The following ALMS1 variants were observed in gnomAD, a reference collection of about 807,000 sequenced individuals.
ALMS1 encodes the protein ALMS1 centrosome and basal body associated protein.
Under a neutral mutation model 352.2 loss-of-function variants are expected in ALMS1, and 271 were observed. The ratio of observed to expected loss-of-function variants is 0.77; its 90% CI spans 0.70 to 0.85. The LOEUF (loss-of-function observed/expected upper bound fraction) is 0.85. Among genes scored for constraint, ALMS1 ranks in the 40% least tolerant of loss-of-function variants. ALMS1 has a pLI of 0.00. For missense variants in ALMS1, 5,445 were observed against 4,870.7 expected, an observed-to-expected ratio of 1.12 and a Z score of -3.51; for synonymous variants, 1,865 against 1,761.2, an observed-to-expected ratio of 1.06 and a Z score of -1.48.
intron 14 of ALMS1, among the ~76,000 whole-genome samples, chr2:73,558,453 G>GC (rs1391171410): frequency 6.6e-6 from 1 of 152,140 alleles, no homozygotes; most frequent in African/African-American, 2.4e-5. Flanking sequence ...GTGTTTCATT[G>GC]CCTGTAAGGA....
chr2:73,453,561 G>A lies in ALMS1; in HGVS notation c.7034G>A (p.Arg2345Gln), dbSNP rs759366425. The change falls in exon 8 of 23, where the codon CGG becomes CAG. Residue 2345 changes from arginine (R) to glutamine (Q), a missense_variant. Coordinates refer to ENST00000613296, the MANE Select transcript of ALMS1 (RefSeq NM_001378454.1). ...DIGTQTNLKCRRGIENWEFIS... is the reference protein window; with the variant it reads ...DIGTQTNLKCQRGIENWEFIS... ...GGCACACAGACGAATTTGAAATGCC[G>A]GAGAGGCATTGAAAATTGGGAGTTT... 16 of 1,613,670 alleles carry A rather than the reference G, an allele frequency of 9.9e-6. No individual in the cohort carries two copies. Among genetic ancestry groups the A allele is most frequent in the South Asian group, 8.8e-5 (8 of 91,068 alleles).
chr2:73,437,348 CCTCTCCTGGAGTGGACCCTCA>C (rs1465679448), intron 7 of ALMS1, among the ~76,000 whole-genome samples: 2 of 152,132 alleles, frequency 1.3e-5, no homozygotes, highest in East Asian at 3.9e-4. Context: ...TCTTGGATTG[CCTCTCCTGGAGTGGACCCTCA>C]CTCCACCTAC....
intron 10 of ALMS1, among the ~76,000 whole-genome samples, chr2:73,499,755 G>C (rs1279904974): frequency 6.6e-6 from 1 of 152,130 alleles, no homozygotes; most frequent in Non-Finnish European, 1.5e-5. Flanking sequence ...AGATGTTTGG[G>C]TTATGGGGGC....
At chr2:73,552,844 G>T (rs1361892151) in intron 13 of ALMS1, among the ~76,000 whole-genome samples, 1 of 152,238 alleles carries the variant, frequency 6.6e-6, no homozygotes, top group African/African-American at 2.4e-5. Context: ...AATTCTCAGT[G>T]GAAGGGGTGG....
intron 13 of ALMS1, among the ~76,000 whole-genome samples, chr2:73,555,241 T>G (rs1674519508): frequency 6.6e-6 from 1 of 152,164 alleles, no homozygotes; most frequent in African/African-American, 2.4e-5. Context: ...GTAGCTTATT[T>G]AAGACATCAT....
At position 73,452,460 on chromosome 2, in the gene ALMS1, C is replaced by G. The variant is rs1558650648; in HGVS notation, c.5933C>G (p.Thr1978Ser). Residue 1978 changes from threonine (T) to serine (S), a missense_variant, in exon 8 of 23, where the codon ACT (threonine) becomes AGT (serine). Transcript: ENST00000613296. ...GTTTCTATACCAGCAGAGCAGAAGA[C>G]TGGGATACCAATAGGACTGTCTAGT... Reference protein sequence around the residue: ...SPVSIPAEQKTGIPIGLSSSY... With the variant: ...SPVSIPAEQKSGIPIGLSSSY... 1 of 1,614,036 alleles carries G rather than the reference C, an allele frequency of 6.2e-7. No individual in the cohort carries two copies. Among genetic ancestry groups the G allele is most frequent in the Non-Finnish European group, 8.5e-7 (1 of 1,179,978 alleles).
chr2:73,484,648 T>G (rs7563785), intron 9 of ALMS1, among the ~76,000 whole-genome samples: 5 of 149,904 alleles, frequency 3.3e-5, no homozygotes, highest in East Asian at 3.8e-4. Flanking sequence ...GAAGTTCTCC[T>G]GGATAATATC....
chr2:73,603,587 CG>C, intron 21 of ALMS1: 1 of 385,342 alleles, frequency 2.6e-6, no homozygotes, highest in Non-Finnish European at 4.9e-6. Context: ...AGGCCAGGTA[CG>C]GTGGCTCATG....
rs1456158904 is a variant in ALMS1 at position 73,490,881 on chromosome 2, A to G, written c.8922A>G (p.Pro2974=). The G allele has an allele frequency of 6.2e-7, 1 of 1,614,190 alleles. No individual in the cohort carries two copies. The highest frequency in any genetic ancestry group is 8.5e-7 in the Non-Finnish European group (1 of 1,180,042). The part of the protein sequence containing the change: ...ISLEQCQSKA[P]GVDDQMNKHH... ...TTGAACAATGCCAAAGCAAAGCGCCAGGTGTAGATGACCAAATGAATAAAC... is the reference window on the plus strand; with the variant it reads ...TTGAACAATGCCAAAGCAAAGCGCCGGGTGTAGATGACCAAATGAATAAAC... Residue 2974 remains proline (P), a synonymous_variant, in exon 10 of 23, where the codon CCA becomes CCG. Coordinates refer to ENST00000613296, the MANE Select transcript of ALMS1 (RefSeq NM_001378454.1).
At chr2:73,388,740 T>G (rs1670587637) in intron 1 of ALMS1, among the ~76,000 whole-genome samples, 1 of 152,200 alleles carries the variant, frequency 6.6e-6, no homozygotes, top group Non-Finnish European at 1.5e-5. Flanking sequence ...GACACTTAGG[T>G]TGATTTCATG....
At chr2:73,461,720 G>T (rs559266056) in intron 9 of ALMS1, among the ~76,000 whole-genome samples, 52 of 152,220 alleles carry the variant, frequency 3.4e-4, no homozygotes, top group Admixed American at 5.9e-4. Flanking sequence ...AAAATTAGAC[G>T]AATGGATACC....
intron 10 of ALMS1, among the ~76,000 whole-genome samples, chr2:73,508,446 C>A (rs551196239): frequency 6.6e-6 from 1 of 152,068 alleles, no homozygotes; most frequent in African/African-American, 2.4e-5. Flanking sequence ...ACCTTGTGAT[C>A]CACCCGCCTC....
intron 10 of ALMS1, among the ~76,000 whole-genome samples, chr2:73,518,196 T>C (rs1673599912): frequency 6.6e-6 from 1 of 151,294 alleles, no homozygotes; most frequent in Non-Finnish European, 1.5e-5. Flanking sequence ...TAGCTCCCAC[T>C]TATAAATGTG....
chr2:73,480,416 TA>T (rs1331211932), intron 9 of ALMS1, among the ~76,000 whole-genome samples: 16 of 152,318 alleles, frequency 1.1e-4, no homozygotes, highest in African/African-American at 3.8e-4. Context: ...CATCATTTTT[TA>T]TGGCTGCATA....
At position 73,546,415 on chromosome 2, in the gene ALMS1, A is replaced by G. The variant is rs554654222; in HGVS notation, c.9908-3852A>G. Among the ~76,000 whole-genome samples, 33 of 152,334 alleles carry G rather than the reference A, an allele frequency of 2.2e-4. 1 individual carries two copies. Among genetic ancestry groups the G allele is most frequent in the African/African-American group, 7.9e-4 (33 of 41,574 alleles). On this transcript the variant is annotated intron_variant, in intron 12 of 22. Coordinates refer to ENST00000613296, the MANE Select transcript of ALMS1 (RefSeq NM_001378454.1). ...TCACGTTCATTTGTTTATTCAAACA[A>G]TAGGTATTAAAGATGTTACTGTGTT...
intron 9 of ALMS1, among the ~76,000 whole-genome samples, chr2:73,487,508 A>G (rs1672876693): frequency 6.6e-6 from 1 of 152,314 alleles, no homozygotes; most frequent in East Asian, 1.9e-4. Context: ...AGAGGGTGTC[A>G]TAGTCCTGGC....
intron 15 of ALMS1, among the ~76,000 whole-genome samples, chr2:73,569,797 T>A (rs11126404): frequency 0.39 from 59,242 of 151,796 alleles, 16,239 homozygotes; most frequent in African/African-American, 0.78. Context: ...AGCACAACTA[T>A]AGTATAGTTA....
intron 16 of ALMS1, among the ~76,000 whole-genome samples, chr2:73,589,096 A>G (rs552680857): frequency 4.6e-5 from 7 of 152,272 alleles, no homozygotes; most frequent in African/African-American, 1.7e-4. Context: ...TATTATAAAA[A>G]TATGAATTAT....
At chr2:73,464,164 A>G (rs1490384554) in intron 9 of ALMS1, among the ~76,000 whole-genome samples, 2 of 152,224 alleles carry the variant, frequency 1.3e-5, no homozygotes, top group Non-Finnish European at 2.9e-5. Context: ...TTAGACCAAT[A>G]TCCCTGATGA....
Sources: gnomAD v4.1 joint callset for allele counts (sites outside exome capture counted in the v4.1 genomes callset) on GRCh38, gnomAD v4.1.1 for gene constraint, MANE v1.5 for transcripts, NCBI Gene and HGNC (gene_info 2026-07-23, HGNC 2026-07-21) for gene names.